The following ADAM9 variants were observed in gnomAD, a reference collection of about 807,000 sequenced individuals.
ADAM9 encodes disintegrin and metalloproteinase domain-containing protein 9.
ADAM9 carries 54 observed loss-of-function variants against 108.1 expected under a neutral mutation model. The observed-to-expected ratio is 0.50, with a 90% CI of 0.40 to 0.63. ADAM9 has a LOEUF of 0.63. Ranked by LOEUF, ADAM9 falls within the 20% of genes least tolerant of loss-of-function variation. The pLI is 0.00. For missense variants in ADAM9, 830 were observed against 997.7 expected, an observed-to-expected ratio of 0.83 and a Z score of 2.26; for synonymous variants, 316 against 336.0, an observed-to-expected ratio of 0.94 and a Z score of 0.65.
intron 20 of ADAM9, among the ~76,000 whole-genome samples, chr8:39,096,586 GTAC>G (rs926914493): frequency 3.7e-4 from 56 of 151,974 alleles, no homozygotes; most frequent in Admixed American, 3.3e-3. Context: ...TCACATTACA[GTAC>G]TACAGGATTC....
chr8:39,081,259 G>A (rs1490011236), intron 16 of ADAM9, among the ~76,000 whole-genome samples: 2 of 152,094 alleles, frequency 1.3e-5, no homozygotes, highest in African/African-American at 2.4e-5. Context: ...CCCACTGTGA[G>A]AGTTTTTGGG....
chr8:39,047,044 C>T lies in ADAM9; in HGVS notation c.1302+4927C>T, dbSNP rs566639287. On this transcript the variant is annotated intron_variant, in intron 12 of 21. Coordinates refer to ENST00000487273, the MANE Select transcript of ADAM9 (RefSeq NM_003816.3). ...TAAGACGCCCAGAGTGCTGGGATTA[C>T]AGGTGTGCACCACTGCACCTGATCT... Among the ~76,000 whole-genome samples the T allele has an allele frequency of 1.2e-4, 19 of 152,336 alleles. No homozygotes were observed. In the South Asian group the frequency reaches 3.9e-3, roughly 32 times the overall value.
At chr8:39,024,901 T>C (rs561533172) in intron 9 of ADAM9, among the ~76,000 whole-genome samples, 13 of 152,196 alleles carry the variant, frequency 8.5e-5, no homozygotes, top group Non-Finnish European at 1.5e-4. Context: ...AACAGTGTTA[T>C]TCACTGTTGA....
chr8:39,024,311 G>A (rs1366286020), intron 9 of ADAM9, among the ~76,000 whole-genome samples: 1 of 152,114 alleles, frequency 6.6e-6, no homozygotes, highest in African/African-American at 2.4e-5. Flanking sequence ...ATGCCATCTA[G>A]TTCACAAAAT....
chr8:39,019,812 A>G (rs1289451491), intron 7 of ADAM9, among the ~76,000 whole-genome samples: 2 of 152,198 alleles, frequency 1.3e-5, no homozygotes, highest in Admixed American at 1.3e-4. Context: ...CACCCCAAAT[A>G]ACTAATTTGG....
At chr8:39,044,873 T>C (rs1564294998) in intron 12 of ADAM9, among the ~76,000 whole-genome samples, 1 of 145,534 alleles carries the variant, frequency 6.9e-6, no homozygotes, top group Non-Finnish European at 1.5e-5. Context: ...TGTGTATACA[T>C]ACATATATAT....
At chr8:39,064,785 A>G (rs1457118350) in intron 14 of ADAM9, among the ~76,000 whole-genome samples, 1 of 152,196 alleles carries the variant, frequency 6.6e-6, no homozygotes, top group Non-Finnish European at 1.5e-5. Flanking sequence ...TGCAAGTGTG[A>G]AAATGGTTTT....
chr8:39,087,678 G>T (rs989034493), intron 18 of ADAM9, among the ~76,000 whole-genome samples: 1 of 152,146 alleles, frequency 6.6e-6, no homozygotes, highest in South Asian at 2.1e-4. Context: ...CTAACAGTGC[G>T]AAGGTATCAG....
chr8:39,071,755 G>A (rs1467656227), intron 15 of ADAM9, among the ~76,000 whole-genome samples: 2 of 152,156 alleles, frequency 1.3e-5, no homozygotes, highest in East Asian at 1.9e-4. Context: ...GTGAGCCACT[G>A]TGCCCGGCCG....
At chr8:39,016,709 T>C (rs1836541150) in intron 5 of ADAM9, among the ~76,000 whole-genome samples, 1 of 152,228 alleles carries the variant, frequency 6.6e-6, no homozygotes, top group African/African-American at 2.4e-5. Context: ...TAAAACATAT[T>C]AGTTCTATAT....
At chr8:39,079,347 T>G (rs1383295781) in intron 16 of ADAM9, among the ~76,000 whole-genome samples, 1 of 152,086 alleles carries the variant, frequency 6.6e-6, no homozygotes, top group African/African-American at 2.4e-5. Context: ...GCTCAAGCGA[T>G]TCTCCCTCCT....
In ADAM9 at chr8:39,103,631, A is replaced by G. The variant is rs763655277; in HGVS notation, c.2391A>G (p.Val797=). 4.9e-5 allele frequency: 79 copies of G among 1,614,126 alleles called. 1 individual carries two copies. The South Asian group carries it at 7.2e-4, about 15-fold the overall frequency. Residue 797 remains valine (V), a synonymous_variant, in exon 22 of 22, where the codon GTA becomes GTG. Transcript: ENST00000487273. ...PSRPPPPQPK[V]SSQGNLIPAR... is the part of the protein sequence containing the mutation. The stretch of plus-strand genomic sequence containing the variant: ...GGCCACCTCCACCACAACCGAAAGT[A>G]TCATCTCAGGGAAACTTAATTCCTG...
rs143889427 is a variant in ADAM9 at position 39,047,501 on chromosome 8, T to C, written c.1302+5384T>C. ...CTACTTATAGGTCTGTTCAGACTTATTTCTTTATGATTCAGTCTTGGTGGG... is the reference window on the plus strand; with the variant it reads ...CTACTTATAGGTCTGTTCAGACTTACTTCTTTATGATTCAGTCTTGGTGGG... On this transcript the variant is annotated intron_variant, in intron 12 of 21. Transcript: ENST00000487273. 2.8e-3 allele frequency among the ~76,000 whole-genome samples: 420 copies of C among 152,340 alleles called. 3 individuals carry two copies. The highest frequency in any genetic ancestry group is 0.01 in the Middle Eastern group (3 of 294).
At chr8:39,089,603 A>G (rs977206674) in intron 18 of ADAM9, among the ~76,000 whole-genome samples, 1 of 152,216 alleles carries the variant, frequency 6.6e-6, no homozygotes, top group African/African-American at 2.4e-5. Flanking sequence ...AAAAGATTGG[A>G]AAAATATAAG....
chr8:39,093,109 A>G lies in ADAM9; in HGVS notation c.2298+1763A>G, dbSNP rs76332653. On this transcript the variant is annotated intron_variant, in intron 20 of 21. Coordinates refer to ENST00000487273, the MANE Select transcript of ADAM9 (RefSeq NM_003816.3). ...CTGGGTCTTTTGTGGTTCCATATGA[A>G]TTTTAGTATTTTTTCTATTGTTACA... Among the ~76,000 whole-genome samples, 1,123 of 152,232 alleles carry G rather than the reference A, an allele frequency of 7.4e-3. 5 individuals carry two copies. The highest frequency in any genetic ancestry group is 0.012 in the Non-Finnish European group (804 of 67,998).
chr8:39,072,695 G>A (rs1053409659), intron 15 of ADAM9, among the ~76,000 whole-genome samples: 1 of 152,098 alleles, frequency 6.6e-6, no homozygotes, highest in Non-Finnish European at 1.5e-5. Flanking sequence ...TCAGTTCTTC[G>A]TCCTCCAGAT....
intron 16 of ADAM9, among the ~76,000 whole-genome samples, chr8:39,079,337 G>A (rs887713067): frequency 1.6e-5 from 2 of 123,068 alleles, no homozygotes; most frequent in African/African-American, 5.4e-5. Context: ...CAGCTCCTGG[G>A]CTCAAGCGAT....
At position 39,055,383 on chromosome 8, in the gene ADAM9, A is replaced by G. The variant is rs998677554; in HGVS notation, c.1396-194A>G. Among the ~76,000 whole-genome samples the G allele has an allele frequency of 2.6e-5, 4 of 152,142 alleles. No homozygotes were observed. The East Asian group carries it at 7.7e-4, about 29-fold the overall frequency. On this transcript the variant is annotated intron_variant, in intron 13 of 21. Coordinates refer to ENST00000487273, the MANE Select transcript of ADAM9 (RefSeq NM_003816.3). ...ATTTCTTTTGGTTACAAATGAGGTC[A>G]TGTTTCTTTACTTTCCATAGTTAGG...
chr8:39,050,429 T>G (rs1837919086), intron 12 of ADAM9, among the ~76,000 whole-genome samples: 1 of 149,898 alleles, frequency 6.7e-6, no homozygotes, highest in Admixed American at 6.8e-5. Context: ...CATAAGTCCC[T>G]TAAGCTTTCT....
Sources: gnomAD v4.1 joint callset for allele counts (sites outside exome capture counted in the v4.1 genomes callset) on GRCh38, gnomAD v4.1.1 for gene constraint, MANE v1.5 for transcripts, NCBI Gene and HGNC (gene_info 2026-07-23, HGNC 2026-07-21) for gene names.